The following CDK5RAP1 variants were observed in gnomAD, a reference collection of about 807,000 sequenced individuals.
CDK5RAP1 encodes the protein CDK5RAP1 mitochondrial tRNA methylthiotransferase, also known as mitochondrial tRNA methylthiotransferase CDK5RAP1.
Under a neutral mutation model 64.5 loss-of-function variants are expected in CDK5RAP1, and 62 were observed. The observed-to-expected ratio is 0.96, with a 90% CI of 0.78 to 1.19. The LOEUF is 1.19. Among genes scored for constraint, CDK5RAP1 ranks in the 50% most tolerant of loss-of-function variants. The probability of loss-of-function intolerance (pLI) is 0.00; values close to 1 mark genes in which losing one functional copy is unlikely to be tolerated. For missense variants in CDK5RAP1, 657 were observed against 735.0 expected, an observed-to-expected ratio of 0.89 and a Z score of 1.23; for synonymous variants, 250 against 261.9, an observed-to-expected ratio of 0.95 and a Z score of 0.44.
At chr20:33,398,794 T>G (rs1405109250) in intron 1 of CDK5RAP1, among the ~76,000 whole-genome samples, 2 of 151,984 alleles carry the variant, frequency 1.3e-5, no homozygotes, top group Non-Finnish European at 2.9e-5. Context: ...AGCACAGTGA[T>G]GCACACCTGT....
intron 5 of CDK5RAP1, among the ~76,000 whole-genome samples, chr20:33,389,743 T>C (rs1184661283): frequency 6.6e-6 from 1 of 152,024 alleles, no homozygotes; most frequent in Admixed American, 6.6e-5. Context: ...ATGATGACGA[T>C]GGCGGTTTTG....
intron 8 of CDK5RAP1, among the ~76,000 whole-genome samples, chr20:33,376,404 C>T (rs562539217): frequency 2.4e-4 from 37 of 152,286 alleles, no homozygotes; most frequent in African/African-American, 8.9e-4. Flanking sequence ...CTTGTAGGCT[C>T]AAGTGATTCT....
intron 7 of CDK5RAP1, among the ~76,000 whole-genome samples, chr20:33,383,818 A>AGGAGAATC (rs140197475): frequency 0.6 from 88,690 of 148,998 alleles, 27,282 homozygotes; most frequent in South Asian, 0.68. Context: ...AGGATAAGGC[A>AGGAGAATC]GGAGAATCGC....
chr20:33,397,462 C>A (rs748015475), intron 1 of CDK5RAP1, among the ~76,000 whole-genome samples: 2 of 152,104 alleles, frequency 1.3e-5, no homozygotes, highest in Non-Finnish European at 2.9e-5. Context: ...GTTCCTATTC[C>A]GAAAGACATA....
intron 12 of CDK5RAP1, among the ~76,000 whole-genome samples, chr20:33,364,580 T>C (rs1029762652): frequency 4.0e-5 from 6 of 151,866 alleles, no homozygotes; most frequent in Non-Finnish European, 7.4e-5. Flanking sequence ...TTTTTTGGCT[T>C]TTTTTTTGTT....
At chr20:33,381,871 G>C (rs971940729) in intron 7 of CDK5RAP1, among the ~76,000 whole-genome samples, 9 of 152,288 alleles carry the variant, frequency 5.9e-5, no homozygotes, top group African/African-American at 2.2e-4. Context: ...TAAAAAGCAG[G>C]ATATACTAAA....
intron 5 of CDK5RAP1, among the ~76,000 whole-genome samples, chr20:33,389,397 C>G (rs935257778): frequency 1.3e-5 from 2 of 151,974 alleles, no homozygotes; most frequent in Non-Finnish European, 2.9e-5. Context: ...GCAGCCGCCC[C>G]GTCTGAGAAG....
At chr20:33,397,361 T>C (rs191618972) in intron 1 of CDK5RAP1, among the ~76,000 whole-genome samples, 3 of 152,272 alleles carry the variant, frequency 2.0e-5, no homozygotes, top group Admixed American at 1.3e-4. Flanking sequence ...AATGACAAAA[T>C]AGCACCTTGT....
At position 33,360,399 on chromosome 20, in the gene CDK5RAP1, G is replaced by A; in HGVS notation, c.1635C>T (p.Asn545=). ...FPDAEMEDVN[N]PGLRVRAQPG... is the part of the protein sequence containing the mutation. ...GCTGGGCTCTGACCCTGAGCCCAGG[G>A]TTATTGACATCCTCCATCTCTGCAT... Residue 545 remains asparagine, a synonymous_variant, in exon 13 of 14, where the codon AAC becomes AAT. Transcript: ENST00000346416. 2 of 1,613,994 alleles carry A rather than the reference G, an allele frequency of 1.2e-6. No individual in the cohort carries two copies. The highest frequency in any genetic ancestry group is 8.5e-7 in the Non-Finnish European group (1 of 1,179,904).
Position 33,394,187 on chromosome 20 carries a change from T to G in CDK5RAP1, c.409-121A>C, listed in dbSNP as rs1213715547. 9 of 643,238 alleles carry G rather than the reference T, an allele frequency of 1.4e-5. No homozygotes were observed. The East Asian group carries it at 2.8e-4, about 20-fold the overall frequency. The allele number at this position is 643,238 out of a possible 1,614,324, so 39.8% of individuals were successfully genotyped here. A position where few individuals can be genotyped will look rare whatever the true frequency, so the allele number is the denominator to read the frequency against. On this transcript the variant is annotated intron_variant, in intron 3 of 13. Transcript: ENST00000346416. ...TCCTTTTTTTTTTTTTGAGACAGAGTCTCACTCTGTTTCCCAGGCTGGAGT... is the reference window on the plus strand; with the variant it reads ...TCCTTTTTTTTTTTTTGAGACAGAGGCTCACTCTGTTTCCCAGGCTGGAGT...
intron 5 of CDK5RAP1, among the ~76,000 whole-genome samples, chr20:33,390,060 T>C (rs1263631890): frequency 6.6e-6 from 1 of 151,792 alleles, no homozygotes; most frequent in Non-Finnish European, 1.5e-5. Flanking sequence ...GTGGATCACT[T>C]GAGCCCAGGA....
At chr20:33,392,059 C>T (rs1056470466) in intron 5 of CDK5RAP1, 83 bp downstream of exon 5, 4 of 822,656 alleles carry the variant, frequency 4.9e-6, no homozygotes, top group Non-Finnish European at 8.1e-6. Context: ...ACTGGGAATC[C>T]AGCCTCTAAA....
At chr20:33,359,340 C>T (rs1421065027) in intron 13 of CDK5RAP1, 1 of 522,544 alleles carries the variant, frequency 1.9e-6, no homozygotes, top group African/African-American at 1.9e-5. Context: ...AGGTCAGTCC[C>T]AGCCACTTCT....
rs182841996 is a variant in CDK5RAP1 at position 33,378,543 on chromosome 20, C to T, written c.1107+918G>A. Among the ~76,000 whole-genome samples the T allele has an allele frequency of 2.8e-3, 433 of 152,216 alleles. 3 individuals carry two copies. The highest frequency in any genetic ancestry group is 4.5e-3 in the Non-Finnish European group (309 of 68,014). Reference sequence around the variant, plus strand: ...GTGCTGACAGACTTATTCAGAGTTGCCACAAACCTTCCATTTGTTAAAAAT... The same window carrying T: ...GTGCTGACAGACTTATTCAGAGTTGTCACAAACCTTCCATTTGTTAAAAAT... On this transcript the variant is annotated intron_variant, in intron 8 of 13. Transcript: ENST00000346416.
chr20:33,363,535 A>G (rs118156606), intron 12 of CDK5RAP1, among the ~76,000 whole-genome samples: 1 of 152,144 alleles, frequency 6.6e-6, no homozygotes, highest in African/African-American at 2.4e-5. Flanking sequence ...GGGGAAAAAA[A>G]GTTCTTTATA....
rs982980200 is a variant in CDK5RAP1, at chr20:33,396,960, A to G, written c.105T>C (p.Ser35=). Residue 35 remains serine (S), a synonymous_variant, in exon 2 of 14, where the codon AGT becomes AGC. Transcript: ENST00000346416. ...GACTGGGACACATGGTACTAGAGAGACTGCTGTGTGCCCTGCACATCCTCA... is the reference window on the plus strand; with the variant it reads ...GACTGGGACACATGGTACTAGAGAGGCTGCTGTGTGCCCTGCACATCCTCA... ...LSLRMCRAHS[S]LSSTMCPSPE... 3 of 1,614,028 alleles carry G rather than the reference A, an allele frequency of 1.9e-6. No individual in the cohort carries two copies. The highest frequency in any genetic ancestry group is 1.3e-5 in the African/African-American group (1 of 74,924).
intron 2 of CDK5RAP1, 62 bp downstream of exon 2, chr20:33,396,699 G>T: frequency 8.1e-7 from 1 of 1,234,204 alleles, no homozygotes. Context: ...AAAGAATCAT[G>T]CCAGGAATGA....
At chr20:33,361,300 A>G (rs190871842) in intron 12 of CDK5RAP1, among the ~76,000 whole-genome samples, 4 of 152,296 alleles carry the variant, frequency 2.6e-5, no homozygotes, top group Admixed American at 1.3e-4. Context: ...GTTCAGGGAG[A>G]CTGAAATAGT....
intron 8 of CDK5RAP1, among the ~76,000 whole-genome samples, chr20:33,377,575 ATCT>A (rs1032143531): frequency 2.6e-5 from 4 of 152,120 alleles, no homozygotes; most frequent in Non-Finnish European, 5.9e-5. Context: ...GGCTTCTTTG[ATCT>A]TCTCTCCAGA....
Sources: gnomAD v4.1 joint callset for allele counts (sites outside exome capture counted in the v4.1 genomes callset) on GRCh38, gnomAD v4.1.1 for gene constraint, MANE v1.5 for transcripts, NCBI Gene and HGNC (gene_info 2026-07-23, HGNC 2026-07-21) for gene names.